Variants in MYO1D observed in about 807,000 individuals in gnomAD.
MYO1D encodes myosin ID.
Under a neutral mutation model 122.0 loss-of-function variants are expected in MYO1D, and 83 were observed. The ratio of observed to expected loss-of-function variants is 0.68; its 90% CI spans 0.57 to 0.82. The LOEUF is 0.82. MYO1D is among the 40% of genes least tolerant of loss of function. MYO1D has a pLI of 0.00. For missense variants in MYO1D, 1,157 were observed against 1,269.5 expected, an observed-to-expected ratio of 0.91 and a Z score of 1.35; for synonymous variants, 464 against 446.9, an observed-to-expected ratio of 1.04 and a Z score of -0.48.
chr17:32,850,943 T>C (rs2090981495), intron 1 of MYO1D, among the ~76,000 whole-genome samples: 1 of 151,834 alleles, frequency 6.6e-6, no homozygotes, highest in East Asian at 1.9e-4. Context: ...TTTTTTCAGA[T>C]GACCAACTGT....
At chr17:32,872,822 G>A (rs997947890) in intron 1 of MYO1D, among the ~76,000 whole-genome samples, 2 of 148,096 alleles carry the variant, frequency 1.4e-5, no homozygotes, top group African/African-American at 5.0e-5. Flanking sequence ...TCAGCCTCCC[G>A]AGTAGCTGGG....
chr17:32,583,074 G>A (rs2087356650), intron 21 of MYO1D, among the ~76,000 whole-genome samples: 1 of 152,052 alleles, frequency 6.6e-6, no homozygotes, highest in East Asian at 1.9e-4. Flanking sequence ...TGAGTCTTCT[G>A]GGAATAAACT....
chr17:32,745,130 G>C, intron 13 of MYO1D, 81 bp downstream of exon 13: 1 of 774,008 alleles, frequency 1.3e-6, no homozygotes, highest in Non-Finnish European at 2.1e-6. Flanking sequence ...TCTTAAAATT[G>C]CATATAAATA....
At chr17:32,821,785 T>C (rs558709150) in intron 1 of MYO1D, among the ~76,000 whole-genome samples, 1 of 152,352 alleles carries the variant, frequency 6.6e-6, no homozygotes, top group East Asian at 1.9e-4. Context: ...ATGCAGGGAT[T>C]AGGTTGTGGA....
Position 32,772,787 on chromosome 17 carries a change from A to C in MYO1D, c.618+2T>G, listed in dbSNP as rs1311415668. On this transcript the variant is annotated splice_donor_variant, in intron 5 of 21. Transcript: ENST00000318217. LOFTEE classifies it high-confidence loss of function. ...CAATTATCTGTATAATGGATTACTA[A>C]CCTGATAGAAAGAATGAAAGCTTCT... 3 of 1,606,068 alleles carry C rather than the reference A, an allele frequency of 1.9e-6. No individual in the cohort carries two copies. The African/African-American group carries it at 4.0e-5, about 21-fold the overall frequency.
chr17:32,730,238 C>T (rs1011900591), intron 14 of MYO1D, among the ~76,000 whole-genome samples: 3 of 151,372 alleles, frequency 2.0e-5, no homozygotes, highest in Non-Finnish European at 4.4e-5. Context: ...CAGAGTTGAA[C>T]GTTAAACAAT....
At chr17:32,633,550 T>C (rs1269630824) in intron 20 of MYO1D, among the ~76,000 whole-genome samples, 1 of 152,114 alleles carries the variant, frequency 6.6e-6, no homozygotes, top group East Asian at 1.9e-4. Flanking sequence ...TTTTCTTCTC[T>C]TTCTCCTCCC....
intron 21 of MYO1D, among the ~76,000 whole-genome samples, chr17:32,538,097 T>C (rs192326478): frequency 3.9e-5 from 6 of 152,282 alleles, no homozygotes; most frequent in South Asian, 2.1e-4. Flanking sequence ...AGAAGTATAA[T>C]TGGCAGTGCT....
chr17:32,804,858 A>T (rs571279605), intron 1 of MYO1D, among the ~76,000 whole-genome samples: 1 of 152,192 alleles, frequency 6.6e-6, no homozygotes, highest in Non-Finnish European at 1.5e-5. Context: ...TCAATAAAGT[A>T]TAGAGCAGTC....
chr17:32,841,787 GAAGA>G (rs1374515900), intron 1 of MYO1D, among the ~76,000 whole-genome samples: 1 of 138,754 alleles, frequency 7.2e-6, no homozygotes, highest in African/African-American at 2.6e-5. Flanking sequence ...AGGAAGGAAG[GAAGA>G]AAGAATGGAT....
At chr17:32,851,938 CT>C (rs1326678228) in intron 1 of MYO1D, among the ~76,000 whole-genome samples, 1 of 152,204 alleles carries the variant, frequency 6.6e-6, no homozygotes, top group Admixed American at 6.5e-5. Context: ...GTTGGGACCC[CT>C]GATCTACAGC....
chr17:32,772,678 G>C, intron 5 of MYO1D, 111 bp downstream of exon 5: 1 of 861,804 alleles, frequency 1.2e-6, no homozygotes, highest in South Asian at 1.4e-5. Flanking sequence ...GACATGTTAC[G>C]GGGCCAATGG....
chr17:32,540,156 C>G (rs112839546), intron 21 of MYO1D, among the ~76,000 whole-genome samples: 39 of 151,628 alleles, frequency 2.6e-4, no homozygotes, highest in Non-Finnish European at 4.9e-4. Flanking sequence ...AACCAATCTG[C>G]CAACATGATG....
chr17:32,724,234 C>T (rs1381073320), intron 14 of MYO1D, among the ~76,000 whole-genome samples: 1 of 152,148 alleles, frequency 6.6e-6, no homozygotes, highest in Non-Finnish European at 1.5e-5. Flanking sequence ...TGCCAAAATG[C>T]TACCAGATTT....
chr17:32,494,505 G>T lies in MYO1D; in HGVS notation c.*254C>A, dbSNP rs927972659. ...TCCAGTTGCCTCTGGGGTGAGATTG[G>T]TCTGGACGTCAGCCCAGGGGTCTGG... is the stretch of plus-strand genomic sequence containing the variant. On this transcript the variant is annotated 3_prime_UTR_variant, in exon 22 of 22. Transcript: ENST00000318217. 1.9e-5 allele frequency: 10 copies of T among 513,132 alleles called. No individual in the cohort carries two copies. The highest frequency in any genetic ancestry group is 1.4e-4 in the African/African-American group (7 of 51,738). 31.8% of individuals were successfully genotyped at this position (513,132 alleles called of 1,614,324 possible). A position where few individuals can be genotyped will look rare whatever the true frequency, so the allele number is the denominator to read the frequency against.
chr17:32,594,811 T>C (rs922182061), intron 21 of MYO1D, among the ~76,000 whole-genome samples: 3 of 152,232 alleles, frequency 2.0e-5, no homozygotes, highest in African/African-American at 7.2e-5. Flanking sequence ...CTGGCTTGTG[T>C]GCACAGACTC....
At chr17:32,763,452 A>G (rs2090023100) in intron 8 of MYO1D, among the ~76,000 whole-genome samples, 1 of 152,234 alleles carries the variant, frequency 6.6e-6, no homozygotes, top group East Asian at 1.9e-4. Context: ...GAAATTGACA[A>G]TAAAAAGATA....
intron 21 of MYO1D, among the ~76,000 whole-genome samples, chr17:32,587,425 T>C (rs535392548): frequency 1.3e-5 from 2 of 151,756 alleles, no homozygotes; most frequent in African/African-American, 4.8e-5. Flanking sequence ...GGCAGAAGAA[T>C]TGCTTGAACC....
chr17:32,773,403 G>A (rs959896043), intron 4 of MYO1D, among the ~76,000 whole-genome samples: 5 of 152,110 alleles, frequency 3.3e-5, no homozygotes, highest in Admixed American at 6.5e-5. Context: ...CTGCAGGGAC[G>A]CCTGCCTGAT....
Sources: gnomAD v4.1 joint callset for allele counts (sites outside exome capture counted in the v4.1 genomes callset) on GRCh38, gnomAD v4.1.1 for gene constraint, MANE v1.5 for transcripts, NCBI Gene and HGNC (gene_info 2026-07-23, HGNC 2026-07-21) for gene names.